The following FNBP1 variants were observed in gnomAD, a reference collection of about 807,000 sequenced individuals.
FNBP1 encodes formin-binding protein 1.
FNBP1 carries 26 observed loss-of-function variants against 90.6 expected under a neutral mutation model. That is an observed-to-expected ratio of 0.29 (90% confidence interval 0.21 to 0.40). The LOEUF (loss-of-function observed/expected upper bound fraction) is 0.40, where lower values mean the gene tolerates loss of function less well. Among genes scored for constraint, FNBP1 ranks in the 10% least tolerant of loss-of-function variants. The probability of loss-of-function intolerance (pLI) is 1.00; values close to 1 mark genes in which losing one functional copy is unlikely to be tolerated. For missense variants in FNBP1, 635 were observed against 768.0 expected, an observed-to-expected ratio of 0.83 and a Z score of 2.05; for synonymous variants, 260 against 265.2, an observed-to-expected ratio of 0.98 and a Z score of 0.19.
intron 1 of FNBP1, among the ~76,000 whole-genome samples, chr9:130,026,041 C>G (rs1475612642): frequency 6.6e-6 from 1 of 152,102 alleles, no homozygotes; most frequent in Non-Finnish European, 1.5e-5. Context: ...GGAGTAGGCA[C>G]TATCATTATC....
chr9:129,963,019 T>C (rs1331926210), intron 4 of FNBP1, among the ~76,000 whole-genome samples: 1 of 152,186 alleles, frequency 6.6e-6, no homozygotes, highest in African/African-American at 2.4e-5. Context: ...TCCCATTTCC[T>C]AAGCCGGAGC....
chr9:129,926,900 A>G (rs1482570441), intron 8 of FNBP1, among the ~76,000 whole-genome samples: 5 of 151,078 alleles, frequency 3.3e-5, no homozygotes, highest in African/African-American at 1.2e-4. Context: ...AGAAAAAAAA[A>G]AAAAGAAAAA....
At position 129,955,241 on chromosome 9, in the gene FNBP1, C is replaced by CTT. The variant is rs200629997; in HGVS notation, c.513+2117_513+2118dup. 4.7e-5 allele frequency among the ~76,000 whole-genome samples: 7 copies of CTT among 148,072 alleles called. No individual in the cohort carries two copies. The East Asian group carries it at 9.8e-4, about 21-fold the overall frequency. ...GAAATGACAGTTTAGAGGCTGAGTGCTTTTTTTTTTGAGACGGGGTCTGGC... is the reference window on the plus strand; with the variant it reads ...GAAATGACAGTTTAGAGGCTGAGTGCTTTTTTTTTTTTGAGACGGGGTCTGGC... On this transcript the variant is annotated intron_variant, in intron 6 of 16. Transcript: ENST00000446176.
intron 1 of FNBP1, among the ~76,000 whole-genome samples, chr9:130,014,872 TA>T (rs34104232): frequency 4.3e-4 from 60 of 140,906 alleles, no homozygotes; most frequent in African/African-American, 7.0e-4. Context: ...TTTCTTCCCT[TA>T]AAAAAAAAAA....
rs374989661 is a variant in FNBP1 at position 129,905,294 on chromosome 9, G to GTGTATATATATATA, written c.1296-2294_1296-2293insTATATATATATACA. 4.0e-3 allele frequency among the ~76,000 whole-genome samples: 529 copies of GTGTATATATATATA among 132,302 alleles called. 2 individuals are homozygous for GTGTATATATATATA. The highest frequency in any genetic ancestry group is 0.013 in the East Asian group (59 of 4,416). 86.8% of individuals were successfully genotyped at this position (132,302 alleles called of 152,430 possible). On this transcript the variant is annotated intron_variant, in intron 12 of 16. Coordinates refer to ENST00000446176, the MANE Select transcript of FNBP1 (RefSeq NM_015033.3). ...TTGAATTGTGTGTGTGTGTGTGTGT[G>GTGTATATATATATA]TATATATATATATATATATTTTGTT...
intron 1 of FNBP1, among the ~76,000 whole-genome samples, chr9:130,010,249 T>TCCCC (rs2056367545): frequency 1.3e-5 from 2 of 152,094 alleles, no homozygotes; most frequent in African/African-American, 4.8e-5. Flanking sequence ...CTAGCAGCTA[T>TCCCC]CCCCCATCCA....
At position 129,890,425 on chromosome 9, in the gene FNBP1, G is replaced by A. The variant is rs1335964438; in HGVS notation, c.*114C>T. The A allele has an allele frequency of 5.9e-6, 5 of 844,106 alleles. No individual in the cohort carries two copies. The highest frequency in any genetic ancestry group is 9.8e-6 in the Non-Finnish European group (5 of 507,726). The allele number at this position is 844,106 out of a possible 1,614,324, so 52.3% of individuals were successfully genotyped here. ...AGAGAGAGAGAGACCGCCCCGCAGG[G>A]ATGGGGCTGCGGAGGGGTGGGCTGT... On this transcript the variant is annotated 3_prime_UTR_variant, in exon 17 of 17. Transcript: ENST00000446176. The surrounding 1 kb of genome is among the most constrained non-coding windows in gnomAD (Gnocchi z 5.8).
rs754484865 is a variant in FNBP1 at position 129,925,102 on chromosome 9, A to G, written c.845T>C (p.Ile282Thr). 1.9e-6 allele frequency: 3 copies of G among 1,613,960 alleles called. No homozygotes were observed. The highest frequency in any genetic ancestry group is 2.5e-6 in the Non-Finnish European group (3 of 1,179,846). Residue 282 changes from isoleucine (I) to threonine (T), a missense_variant, in exon 9 of 17, where the codon ATT becomes ACT. Transcript: ENST00000446176. ...TGGCTGAGTGTAATCCTCAAATTCA[A>G]TGTCTCCAGGAGGCTCAAACCCTGA... The part of the protein sequence containing the change: ...YKSGFEPPGD[I>T]EFEDYTQPMK...
rs535072848 is a variant in FNBP1, at chr9:129,948,453, G to A, written c.513+8907C>T. Among the ~76,000 whole-genome samples the A allele has an allele frequency of 3.3e-5, 4 of 120,032 alleles. No individual in the cohort carries two copies. The East Asian group carries it at 8.7e-4, about 26-fold the overall frequency. The allele number at this position is 120,032 out of a possible 152,430, so 78.7% of individuals were successfully genotyped here. A position where few individuals can be genotyped will look rare whatever the true frequency, so the allele number is the denominator to read the frequency against. On this transcript the variant is annotated intron_variant, in intron 6 of 16. Coordinates refer to ENST00000446176, the MANE Select transcript of FNBP1 (RefSeq NM_015033.3). Reference sequence around the variant, plus strand: ...GATCTCGGCTCACTGCAACCTCCCCGTCCCAGGTTCAAGAGACTCTTCTGC... The same window carrying A: ...GATCTCGGCTCACTGCAACCTCCCCATCCCAGGTTCAAGAGACTCTTCTGC...
At chr9:129,932,085 C>A (rs2042841786) in intron 6 of FNBP1, among the ~76,000 whole-genome samples, 1 of 151,814 alleles carries the variant, frequency 6.6e-6, no homozygotes, top group South Asian at 2.1e-4. Flanking sequence ...GTGGTGGGCG[C>A]CTTTAGTCCC....
chr9:129,912,221 T>C (rs1484952399), intron 11 of FNBP1, among the ~76,000 whole-genome samples: 1 of 152,144 alleles, frequency 6.6e-6, no homozygotes, highest in Non-Finnish European at 1.5e-5. Flanking sequence ...GCTTGATATA[T>C]AGCGGAAGCC....
intron 4 of FNBP1, among the ~76,000 whole-genome samples, chr9:129,977,699 C>A (rs2050553725): frequency 6.6e-6 from 1 of 151,850 alleles, no homozygotes; most frequent in Non-Finnish European, 1.5e-5. Flanking sequence ...ACCATGTTGA[C>A]CAGCCTGATC....
At chr9:129,974,552 C>T (rs192723539) in intron 4 of FNBP1, among the ~76,000 whole-genome samples, 18 of 152,162 alleles carry the variant, frequency 1.2e-4, no homozygotes, top group East Asian at 3.9e-4. Flanking sequence ...ATAATGGCAA[C>T]GATTATGTAG....
rs147932436 is a variant in FNBP1 at position 129,914,331 on chromosome 9, C to T, written c.1185+1635G>A. 1.4e-3 allele frequency among the ~76,000 whole-genome samples: 210 copies of T among 152,204 alleles called. 1 individual carries two copies. The highest frequency in any genetic ancestry group is 4.8e-3 in the African/African-American group (198 of 41,524). ...GGGATTCCAGGCACAAACCACCGTG[C>T]CCAGCCAGCGCTTCACTTCTTTGTT... On this transcript the variant is annotated intron_variant, in intron 11 of 16. Coordinates refer to ENST00000446176, the MANE Select transcript of FNBP1 (RefSeq NM_015033.3).
rs1213455099 is a variant in FNBP1, at chr9:129,890,384, G to A, written c.*155C>T. 2.1e-5 allele frequency: 13 copies of A among 625,076 alleles called. No homozygotes were observed. The highest frequency in any genetic ancestry group is 4.2e-4 in the Middle Eastern group (1 of 2,356). 38.7% of individuals were successfully genotyped at this position (625,076 alleles called of 1,614,324 possible). On this transcript the variant is annotated 3_prime_UTR_variant, in exon 17 of 17. Coordinates refer to ENST00000446176, the MANE Select transcript of FNBP1 (RefSeq NM_015033.3). The surrounding 1 kb of genome is among the most constrained non-coding windows in gnomAD (Gnocchi z 5.8). ...CCGGGCTGGGCGGGAGGGCAGGGCC[G>A]CAGGGAGCATGCTGGAGAGAGAGAG...
chr9:130,051,494 G>C, the FNBP1 span, among the ~76,000 whole-genome samples: 1 of 152,106 alleles, frequency 6.6e-6, no homozygotes, highest in South Asian at 2.1e-4. Context: ...ACACATTCTA[G>C]TAGCAACCTT....
At chr9:130,032,879 G>T (rs2058926461) in intron 1 of FNBP1, among the ~76,000 whole-genome samples, 1 of 151,982 alleles carries the variant, frequency 6.6e-6, no homozygotes, top group Non-Finnish European at 1.5e-5. Context: ...TTTTCTTCAA[G>T]GAGGAAAAGA....
At chr9:129,994,534 T>C (rs2053695277) in intron 2 of FNBP1, among the ~76,000 whole-genome samples, 1 of 152,200 alleles carries the variant, frequency 6.6e-6, no homozygotes, top group Non-Finnish European at 1.5e-5. Flanking sequence ...ACTTATGATT[T>C]GTGTACTTCT....
intron 6 of FNBP1, chr9:129,933,617 A>C (rs2043057244): frequency 6.6e-6 from 1 of 152,212 alleles, no homozygotes; most frequent in Non-Finnish European, 1.5e-5. Flanking sequence ...GCTGTGTAGA[A>C]GATAATAAAT....
Sources: allele counts gnomAD v4.1 joint callset (sites outside exome capture counted in the v4.1 genomes callset), GRCh38; gene constraint gnomAD v4.1.1; non-coding constraint Gnocchi (gnomAD v3.1); transcripts MANE v1.5; gene names NCBI Gene and HGNC (gene_info 2026-07-23, HGNC 2026-07-21).